Variants in TMEM236 observed in about 807,000 individuals in gnomAD.
TMEM236 encodes family with sequence similarity 23, member A.
A neutral mutation model predicts 14.7 loss-of-function variants in TMEM236; 11 were observed. That is an observed-to-expected ratio of 0.75 (90% confidence interval 0.47 to 1.24). The LOEUF (loss-of-function observed/expected upper bound fraction) is 1.24. Among genes scored for constraint, TMEM236 ranks in the 50% most tolerant of loss-of-function variants. The probability of loss-of-function intolerance (pLI) is 0.00; values close to 1 mark genes in which losing one functional copy is unlikely to be tolerated. For missense variants in TMEM236, 464 were observed against 427.3 expected, an observed-to-expected ratio of 1.09 and a Z score of -0.76; for synonymous variants, 182 against 168.6, an observed-to-expected ratio of 1.08 and a Z score of -0.62.
At chr10:17,791,315 A>C (rs936646439) in intron 3 of TMEM236, among the ~76,000 whole-genome samples, 2 of 148,638 alleles carry the variant, frequency 1.3e-5, no homozygotes, top group Non-Finnish European at 3.0e-5. Flanking sequence ...AAAATTAGTC[A>C]GGTGTGGTGG....
rs997328049 is a variant in TMEM236, at chr10:17,761,216, T to G, written c.257+8664T>G. On this transcript the variant is annotated intron_variant, in intron 1 of 3. Transcript: ENST00000377495. ...CGTGGTCCCCCAAATTTTCATATAT[T>G]CAAATCCAGTGTCAGACCTGATTCG... is the stretch of plus-strand genomic sequence containing the variant. 4.6e-5 allele frequency among the ~76,000 whole-genome samples: 7 copies of G among 152,252 alleles called. No homozygotes were observed. In the South Asian group the frequency reaches 1.5e-3, roughly 32 times the overall value.
chr10:17,755,784 T>A (rs1304096229), intron 1 of TMEM236, among the ~76,000 whole-genome samples: 1 of 152,152 alleles, frequency 6.6e-6, no homozygotes, highest in Non-Finnish European at 1.5e-5. Context: ...AAGAAGCTCT[T>A]GGGTTTTTTT....
At chr10:17,773,898 A>T (rs1837615020) in intron 2 of TMEM236, among the ~76,000 whole-genome samples, 1 of 152,216 alleles carries the variant, frequency 6.6e-6, no homozygotes, top group South Asian at 2.1e-4. Flanking sequence ...TGATGAAAAG[A>T]AGTTCTTAAC....
In TMEM236 at chr10:17,796,764, T is replaced by C; in HGVS notation, c.*260T>C. The C allele has an allele frequency of 4.2e-6, 2 of 472,148 alleles. No individual in the cohort carries two copies. Among genetic ancestry groups the C allele is most frequent in the South Asian group, 4.3e-5 (2 of 46,706 alleles). The allele number at this position is 472,148 out of a possible 1,614,324, so 29.2% of individuals were successfully genotyped here. ...GTTAGCAGCTAATTTTAGTTAGTTA[T>C]GTATACTGAGGTCCCCAACCCCTGG... On this transcript the variant is annotated 3_prime_UTR_variant, in exon 4 of 4. Transcript: ENST00000377495.
At chr10:17,787,216 G>T (rs1295814612) in intron 3 of TMEM236, among the ~76,000 whole-genome samples, 3 of 152,240 alleles carry the variant, frequency 2.0e-5, no homozygotes, top group Non-Finnish European at 4.4e-5. Flanking sequence ...GGTGCCAACT[G>T]TCTGCCCAAG....
chr10:17,752,976 C>T (rs942439051), intron 1 of TMEM236, among the ~76,000 whole-genome samples: 7 of 151,928 alleles, frequency 4.6e-5, no homozygotes, highest in East Asian at 1.9e-4. Flanking sequence ...GGGGTAAAAG[C>T]GCAGGTTTGT....
chr10:17,757,297 T>C (rs1837297935), intron 1 of TMEM236, among the ~76,000 whole-genome samples: 2 of 152,154 alleles, frequency 1.3e-5, no homozygotes, highest in Admixed American at 1.3e-4. Context: ...CTTTGTCAAC[T>C]GATAAAGCTA....
chr10:17,790,150 T>G (rs868916693), intron 3 of TMEM236, among the ~76,000 whole-genome samples: 6,121 of 151,892 alleles, frequency 0.04, 442 homozygotes, highest in African/African-American at 0.14. Context: ...GGATCGCGTT[T>G]GCCCAGGACA....
chr10:17,777,534 T>A (rs958508473), intron 3 of TMEM236, among the ~76,000 whole-genome samples: 1 of 152,224 alleles, frequency 6.6e-6, no homozygotes, highest in South Asian at 2.1e-4. Flanking sequence ...GCTCAGGAGA[T>A]CCTCCTGCAT....
chr10:17,753,570 A>G (rs1331140340), intron 1 of TMEM236, among the ~76,000 whole-genome samples: 2 of 152,198 alleles, frequency 1.3e-5, no homozygotes, highest in Non-Finnish European at 2.9e-5. Flanking sequence ...CCTGCAAAGG[A>G]CATGATCTTG....
intron 2 of TMEM236, among the ~76,000 whole-genome samples, chr10:17,772,330 A>G (rs1181253860): frequency 6.6e-6 from 1 of 152,234 alleles, no homozygotes; most frequent in African/African-American, 2.4e-5. Flanking sequence ...GTATGAAGGC[A>G]TAGAATAATT....
In TMEM236 at chr10:17,768,086, G is replaced by GTTTTTTTTTTTTTTTTT. The variant is rs879036347; in HGVS notation, c.258-3217_258-3201dup. ...CCACCACACCTCGCTAATTTTTGTG[G>GTTTTTTTTTTTTTTTTT]TTTTTTTTTTTTTTTTTTTTTTGTA... On this transcript the variant is annotated intron_variant, in intron 1 of 3. Coordinates refer to ENST00000377495, the MANE Select transcript of TMEM236 (RefSeq NM_001098844.3). Among the ~76,000 whole-genome samples, 285 of 91,988 alleles carry GTTTTTTTTTTTTTTTTT rather than the reference G, an allele frequency of 3.1e-3. 8 individuals carry two copies. The highest frequency in any genetic ancestry group is 4.8e-3 in the Non-Finnish European group (224 of 46,460). The allele number at this position is 91,988 out of a possible 152,430, so 60.3% of individuals were successfully genotyped here. A position where few individuals can be genotyped will look rare whatever the true frequency, so the allele number is the denominator to read the frequency against.
At chr10:17,785,385 A>C (rs1837817806) in intron 3 of TMEM236, among the ~76,000 whole-genome samples, 1 of 152,182 alleles carries the variant, frequency 6.6e-6, no homozygotes, top group South Asian at 2.1e-4. Flanking sequence ...TTACTATAGA[A>C]AGTGCTAGGA....
intron 1 of TMEM236, among the ~76,000 whole-genome samples, chr10:17,770,758 C>A (rs1837557987): frequency 6.6e-6 from 1 of 152,132 alleles, no homozygotes; most frequent in African/African-American, 2.4e-5. Context: ...ATTGGTTGAT[C>A]ATGCAAGGTT....
At chr10:17,770,255 CA>C (rs1302143978) in intron 1 of TMEM236, among the ~76,000 whole-genome samples, 1 of 152,094 alleles carries the variant, frequency 6.6e-6, no homozygotes, top group African/African-American at 2.4e-5. Flanking sequence ...ATGGAATTAA[CA>C]TAATATATAT....
chr10:17,752,284 C>T lies in TMEM236; in HGVS notation c.-12C>T. The T allele has an allele frequency of 6.2e-7, 1 of 1,613,936 alleles. No homozygotes were observed. The highest frequency in any genetic ancestry group is 8.5e-7 in the Non-Finnish European group (1 of 1,179,864). On this transcript the variant is annotated 5_prime_UTR_variant, in exon 1 of 4. Coordinates refer to ENST00000377495, the MANE Select transcript of TMEM236 (RefSeq NM_001098844.3). ...GGAGTCCCAGGTTCTTGGCAGCTTG[C>T]TTTTCCTCAGGATGGCTTCTGGAAG...
intron 2 of TMEM236, among the ~76,000 whole-genome samples, chr10:17,775,537 G>C (rs1223518768): frequency 4.6e-5 from 7 of 152,238 alleles, no homozygotes; most frequent in African/African-American, 1.7e-4. Context: ...GCCCCGCAAA[G>C]TGCTGGGATT....
At chr10:17,792,630 G>T (rs1006881407) in intron 3 of TMEM236, among the ~76,000 whole-genome samples, 1 of 152,158 alleles carries the variant, frequency 6.6e-6, no homozygotes, top group Admixed American at 6.5e-5. Flanking sequence ...TGGTCATTTA[G>T]CTTACACAGT....
chr10:17,781,180 A>C (rs1376306008), intron 3 of TMEM236, among the ~76,000 whole-genome samples: 1 of 152,192 alleles, frequency 6.6e-6, no homozygotes, highest in Admixed American at 6.5e-5. Context: ...CTGTGTCTGC[A>C]GCTCGATTTT....
Sources: allele counts gnomAD v4.1 joint callset (sites outside exome capture counted in the v4.1 genomes callset), GRCh38; gene constraint gnomAD v4.1.1; transcripts MANE v1.5; gene names NCBI Gene and HGNC (gene_info 2026-07-23, HGNC 2026-07-21).